Variants in RGMA observed in about 807,000 individuals in gnomAD.
The protein encoded by RGMA is repulsive guidance molecule A.
Under a neutral mutation model 23.2 loss-of-function variants are expected in RGMA, and 10 were observed. That is an observed-to-expected ratio of 0.43 (90% CI 0.27 to 0.73). RGMA has a LOEUF of 0.73. Among genes scored for constraint, RGMA ranks in the 30% least tolerant of loss-of-function variants. The pLI is 0.20. For missense variants in RGMA, 547 were observed against 630.5 expected (o/e 0.87, Z 1.42); for synonymous variants, 308 against 279.3 (o/e 1.10, Z -1.03).
intron 1 of RGMA, among the ~76,000 whole-genome samples, chr15:93,084,162 AAG>A (rs1287802440): frequency 6.6e-6 from 1 of 152,164 alleles, no homozygotes; most frequent in African/African-American, 2.4e-5. Flanking sequence ...TGCGTGGAAG[AAG>A]AGAGAGTTCC....
intron 1 of RGMA, chr15:93,088,682 C>T: frequency 1.2e-6 from 1 of 833,694 alleles, no homozygotes; most frequent in Non-Finnish European, 1.7e-6. Flanking sequence ...CGCGCGCTGG[C>T]GGCTGCCCGG....
rs955940572 is a variant in RGMA, at chr15:93,039,692, A to G, written c.*5306T>C. On this transcript the variant is annotated 3_prime_UTR_variant, in exon 4 of 4. Coordinates refer to ENST00000329082, the MANE Select transcript of RGMA (RefSeq NM_020211.3). ...TAGTTTGCTGAGAATGATGGTTTCC[A>G]GCTTCATCCATGTCCCTGCAAAGGA... is the stretch of plus-strand genomic sequence containing the variant. 21 of 152,308 alleles carry G rather than the reference A, an allele frequency of 1.4e-4. No homozygotes were observed. Among genetic ancestry groups the G allele is most frequent in the African/African-American group, 5.1e-4 (21 of 41,550 alleles). The allele number at this position is 152,308 out of a possible 1,614,324, so 9.4% of individuals were successfully genotyped here.
intron 3 of RGMA, 102 bp downstream of exon 3, chr15:93,051,891 C>A: frequency 8.0e-7 from 1 of 1,249,004 alleles, no homozygotes; most frequent in Non-Finnish European, 1.1e-6. Flanking sequence ...GCTCCGTCTT[C>A]CCCCATTCCC....
At chr15:93,066,821 CAT>C (rs1895172276) in intron 2 of RGMA, among the ~76,000 whole-genome samples, 1 of 152,192 alleles carries the variant, frequency 6.6e-6, no homozygotes, top group South Asian at 2.1e-4. Flanking sequence ...CACCACATGG[CAT>C]ATTTAATGAC....
intron 1 of RGMA, chr15:93,073,780 C>T (rs1363574178): frequency 2.0e-6 from 3 of 1,536,548 alleles, no homozygotes; most frequent in Non-Finnish European, 2.6e-6. Flanking sequence ...GGCCTGCCTC[C>T]AGCACCCCCT....
At chr15:93,065,776 G>T in intron 2 of RGMA, 1 of 1,088,656 alleles carries the variant, frequency 9.2e-7, no homozygotes, top group Non-Finnish European at 1.4e-6. Flanking sequence ...CCCACCTTCC[G>T]TGGTAGGCTG....
At chr15:93,047,957 G>A (rs578150421) in intron 3 of RGMA, among the ~76,000 whole-genome samples, 2 of 152,326 alleles carry the variant, frequency 1.3e-5, no homozygotes, top group South Asian at 2.1e-4. Context: ...GTGGAAGGTG[G>A]GGTCTGGCCA....
rs535322099 is a variant in RGMA, at chr15:93,040,046, A to T, written c.*4952T>A. 6.6e-6 allele frequency: 1 copy of T among 152,100 alleles called. No individual in the cohort carries two copies. Among genetic ancestry groups the T allele is most frequent in the Admixed American group, 6.5e-5 (1 of 15,268 alleles). 9.4% of individuals were successfully genotyped at this position (152,100 alleles called of 1,614,324 possible). A position where few individuals can be genotyped will look rare whatever the true frequency, so the allele number is the denominator to read the frequency against. Reference sequence around the variant, plus strand: ...AAAACAGCAAGATCCTGTCTCTCCAAAAAAATTTAACAATTAGCCGGGTGT... The same window carrying T: ...AAAACAGCAAGATCCTGTCTCTCCATAAAAATTTAACAATTAGCCGGGTGT... On this transcript the variant is annotated 3_prime_UTR_variant, in exon 4 of 4. Transcript: ENST00000329082.
At position 93,045,374 on chromosome 15, in the gene RGMA, T is replaced by G. The variant is rs780599387; in HGVS notation, c.977A>C (p.Asp326Ala). ...LRGCPLNQQIDFQAFHTNAEG... is the reference protein window; with the variant it reads ...LRGCPLNQQIAFQAFHTNAEG... ...AGCATTGGTGTGGAAGGCCTGGAAG[T>G]CGATCTGCTGGTTGAGGGGGCAGCC... is the stretch of plus-strand genomic sequence containing the variant. The change falls in exon 4 of 4, where the codon GAC (aspartate) becomes GCC (alanine). Residue 326 changes from aspartate (D) to alanine (A), a missense_variant. By Grantham distance (126) the Asp-to-Ala change is moderately radical (BLOSUM62 -2). Around this residue, in one of 3 missense-constraint regions of RGMA, gnomAD observed 205 missense variants for 204.1 expected, o/e 1.00. Coordinates refer to ENST00000329082, the MANE Select transcript of RGMA (RefSeq NM_020211.3). The surrounding 1 kb of genome is among the most constrained non-coding windows in gnomAD (Gnocchi z 6.9). 1.2e-6 allele frequency: 2 copies of G among 1,610,738 alleles called. No homozygotes were observed. Among genetic ancestry groups the G allele is most frequent in the Non-Finnish European group, 1.7e-6 (2 of 1,179,166 alleles).
intron 1 of RGMA, among the ~76,000 whole-genome samples, chr15:93,087,936 C>T (rs968189091): frequency 6.6e-6 from 1 of 152,084 alleles, no homozygotes; most frequent in Non-Finnish European, 1.5e-5. Context: ...GGCTGGTTCC[C>T]GCCTCTCCAC....
intron 3 of RGMA, among the ~76,000 whole-genome samples, chr15:93,047,556 C>G (rs533446839): frequency 6.6e-6 from 1 of 152,264 alleles, no homozygotes; most frequent in South Asian, 2.1e-4. Context: ...CCCCTCACCC[C>G]TCTGTAGGTC....
intron 1 of RGMA, among the ~76,000 whole-genome samples, chr15:93,081,816 C>T (rs1895563317): frequency 6.6e-6 from 1 of 152,168 alleles, no homozygotes; most frequent in African/African-American, 2.4e-5. Flanking sequence ...AGAGACAATC[C>T]CCAGCTGATG....
chr15:93,052,002 G>C lies in RGMA; in HGVS notation c.636C>G (p.Ala212=), dbSNP rs1360396788. ...TPVLPGSAAT[A]TSKLTIIFKN... The stretch of plus-strand genomic sequence containing the variant: ...GCCCCCTCCCCCTTACCTTGCTGGT[G>C]GCAGTGGCCGCTGAGCCGGGCAGCA... The change falls in exon 3 of 4, where the codon GCC becomes GCG. Residue 212 remains alanine (A), a synonymous_variant. Transcript: ENST00000329082. 3 of 1,602,430 alleles carry C rather than the reference G, an allele frequency of 1.9e-6. No homozygotes were observed. The South Asian group carries it at 3.3e-5, about 18-fold the overall frequency.
rs60714695 is a variant in RGMA at position 93,087,464 on chromosome 15, C to CAA, written c.14+1453_14+1454dup. ...GCAAGAAACCCCTTCTTTGTATGTG[C>CAA]AAAAAAAAAAAAAAAAAAAACCACA... On this transcript the variant is annotated intron_variant, in intron 1 of 3. Transcript: ENST00000329082. Among the ~76,000 whole-genome samples the CAA allele has an allele frequency of 1.2e-3, 87 of 74,518 alleles. 5 individuals are homozygous for CAA. The highest frequency in any genetic ancestry group is 5.3e-3 in the South Asian group (7 of 1,332). The allele number at this position is 74,518 out of a possible 152,430, so 48.9% of individuals were successfully genotyped here.
intron 3 of RGMA, among the ~76,000 whole-genome samples, chr15:93,046,903 C>T (rs1297885339): frequency 1.3e-5 from 1 of 77,398 alleles, no homozygotes; most frequent in African/African-American, 3.4e-5. Flanking sequence ...GGCTGGGTGG[C>T]ACTGTTCTCC....
At chr15:93,079,280 A>G (rs1172657210) in intron 1 of RGMA, among the ~76,000 whole-genome samples, 1 of 152,188 alleles carries the variant, frequency 6.6e-6, no homozygotes, top group Non-Finnish European at 1.5e-5. Flanking sequence ...GAGACTTACT[A>G]TTGTAAATGA....
intron 1 of RGMA, among the ~76,000 whole-genome samples, chr15:93,081,423 G>A (rs1183736415): frequency 6.6e-6 from 1 of 152,178 alleles, no homozygotes; most frequent in Non-Finnish European, 1.5e-5. Flanking sequence ...CAGTAATAAT[G>A]CCCAACAATA....
rs2054716349 is a variant in RGMA at position 93,040,971 on chromosome 15, A to G, written c.*4027T>C. 6.6e-6 allele frequency: 1 copy of G among 152,152 alleles called. No individual in the cohort carries two copies. Among genetic ancestry groups the G allele is most frequent in the South Asian group, 2.1e-4 (1 of 4,824 alleles). 9.4% of individuals were successfully genotyped at this position (152,152 alleles called of 1,614,324 possible). On this transcript the variant is annotated 3_prime_UTR_variant, in exon 4 of 4. Coordinates refer to ENST00000329082, the MANE Select transcript of RGMA (RefSeq NM_020211.3). ...GGAATCTAAGGCTCAAAAAATCCCAAGGAGACCACACAGCTCGCGACGGGT... is the reference window on the plus strand; with the variant it reads ...GGAATCTAAGGCTCAAAAAATCCCAGGGAGACCACACAGCTCGCGACGGGT...
chr15:93,036,066 G>A lies in RGMA; in HGVS notation c.*8932C>T, dbSNP rs2054657115. Reference sequence around the variant, plus strand: ...ACGTGTAACTCGTGTTGTTACATATGTAAGTATGATTACACGTGTAATCAC... The same window carrying A: ...ACGTGTAACTCGTGTTGTTACATATATAAGTATGATTACACGTGTAATCAC... On this transcript the variant is annotated 3_prime_UTR_variant, in exon 4 of 4. Transcript: ENST00000329082. 1.3e-5 allele frequency: 2 copies of A among 152,204 alleles called. No individual in the cohort carries two copies. The allele number at this position is 152,204 out of a possible 1,614,324, so 9.4% of individuals were successfully genotyped here.
Sources: gnomAD v4.1 joint callset for allele counts (sites outside exome capture counted in the v4.1 genomes callset) on GRCh38, gnomAD v4.1.1 for gene constraint, gnomAD v4.1.1 regional missense constraint, Gnocchi (gnomAD v3.1) non-coding constraint, MANE v1.5 for transcripts, NCBI Gene and HGNC (gene_info 2026-07-23, HGNC 2026-07-21) for gene names.